The following HS2ST1 variants were observed in gnomAD, a reference collection of about 807,000 sequenced individuals.
The protein encoded by HS2ST1 is heparan sulfate 2-O-sulfotransferase 1.
HS2ST1 carries 18 observed loss-of-function variants against 42.9 expected under a neutral mutation model. That is an observed-to-expected ratio of 0.42 (90% CI 0.29 to 0.62). HS2ST1 has a LOEUF of 0.62. Among genes scored for constraint, HS2ST1 ranks in the 20% least tolerant of loss-of-function variants. The pLI is 0.21. For missense variants in HS2ST1, 334 were observed against 433.8 expected (o/e 0.77, Z 2.04); for synonymous variants, 146 against 152.9 (o/e 0.95, Z 0.33).
At chr1:86,924,724 C>A (rs1428833988) in intron 1 of HS2ST1, among the ~76,000 whole-genome samples, 1 of 152,078 alleles carries the variant, frequency 6.6e-6, no homozygotes, top group Non-Finnish European at 1.5e-5. Context: ...TGCCAAGTCC[C>A]TAGGTTGCAC....
rs571602756 is a variant in HS2ST1 at position 86,922,715 on chromosome 1, A to G, written c.124+7555A>G. ...GGTTGCCATCATTCTTTGTTCAACT[A>G]TATGTAGCGTGTCTTTTATTTTTCC... is the stretch of plus-strand genomic sequence containing the variant. On this transcript the variant is annotated intron_variant, in intron 1 of 6. Coordinates refer to ENST00000370550, the MANE Select transcript of HS2ST1 (RefSeq NM_012262.4). Among the ~76,000 whole-genome samples, 19 of 152,188 alleles carry G rather than the reference A, an allele frequency of 1.2e-4. No individual in the cohort carries two copies. In the South Asian group the frequency reaches 3.3e-3, roughly 27 times the overall value.
chr1:87,032,711 G>T (rs1195208719), intron 1 of HS2ST1, among the ~76,000 whole-genome samples: 2 of 152,044 alleles, frequency 1.3e-5, no homozygotes, highest in East Asian at 3.8e-4. Flanking sequence ...TTGAGTTCTT[G>T]TTCTTAGTAA....
intron 1 of HS2ST1, among the ~76,000 whole-genome samples, chr1:87,007,713 A>C (rs1166772346): frequency 6.6e-6 from 1 of 152,140 alleles, no homozygotes; most frequent in Non-Finnish European, 1.5e-5. Flanking sequence ...CAGTATTTGC[A>C]GTGTGACATA....
chr1:87,003,103 A>G (rs1649339302), intron 1 of HS2ST1, among the ~76,000 whole-genome samples: 1 of 152,246 alleles, frequency 6.6e-6, no homozygotes, highest in Non-Finnish European at 1.5e-5. Context: ...CGTCTGTAAT[A>G]AGTGATGAAT....
chr1:87,097,973 C>T (rs991027479), intron 5 of HS2ST1, 38 bp downstream of exon 5: 1 of 1,612,460 alleles, frequency 6.2e-7, no homozygotes, highest in Non-Finnish European at 8.5e-7. Flanking sequence ...GATTATCATC[C>T]TTATTATCTC....
intron 1 of HS2ST1, among the ~76,000 whole-genome samples, chr1:86,933,077 A>T (rs1660575465): frequency 6.6e-6 from 1 of 152,140 alleles, no homozygotes; most frequent in Admixed American, 6.5e-5. Context: ...CTTTTTTCAC[A>T]TACTAATAAA....
At chr1:86,998,041 A>G (rs1557509711) in intron 1 of HS2ST1, among the ~76,000 whole-genome samples, 1 of 152,204 alleles carries the variant, frequency 6.6e-6, no homozygotes, top group Non-Finnish European at 1.5e-5. Flanking sequence ...TATGATTCTT[A>G]CTAACTTTTC....
At chr1:87,044,939 T>A in intron 1 of HS2ST1, 1 of 1,575,548 alleles carries the variant, frequency 6.3e-7, no homozygotes, top group African/African-American at 1.4e-5. Context: ...TTCAATCTAA[T>A]GCTATGACAT....
At chr1:87,056,092 G>A (rs1261120707) in intron 1 of HS2ST1, among the ~76,000 whole-genome samples, 1 of 152,078 alleles carries the variant, frequency 6.6e-6, no homozygotes, top group African/African-American at 2.4e-5. Context: ...GGACCTTTAA[G>A]AGGCATTTGG....
chr1:86,974,657 C>G (rs926213925), intron 1 of HS2ST1, among the ~76,000 whole-genome samples: 1 of 152,278 alleles, frequency 6.6e-6, no homozygotes, highest in African/African-American at 2.4e-5. Context: ...GGGTTCTGCA[C>G]TAACTCTGAG....
intron 1 of HS2ST1, among the ~76,000 whole-genome samples, chr1:87,021,305 A>G (rs74495623): frequency 0.024 from 3,614 of 152,286 alleles, 67 homozygotes; most frequent in Middle Eastern, 0.048. Flanking sequence ...TTCAGAATCC[A>G]TACAGTATTC....
intron 1 of HS2ST1, among the ~76,000 whole-genome samples, chr1:87,051,892 T>A (rs1476434004): frequency 6.6e-6 from 1 of 152,196 alleles, no homozygotes; most frequent in Non-Finnish European, 1.5e-5. Flanking sequence ...TTTTAAAGAT[T>A]CATGAAAAAT....
chr1:86,926,416 C>A (rs1256342890), intron 1 of HS2ST1, among the ~76,000 whole-genome samples: 1 of 152,126 alleles, frequency 6.6e-6, no homozygotes, highest in Non-Finnish European at 1.5e-5. Context: ...AATGTTGGAT[C>A]CCTGAATTAG....
Position 87,092,418 on chromosome 1 carries a change from A to G in HS2ST1, c.450-113A>G, listed in dbSNP as rs375064924. The G allele has an allele frequency of 5.3e-5, 27 of 514,012 alleles. No individual in the cohort carries two copies. In the South Asian group the frequency reaches 1.5e-3, roughly 29 times the overall value. 31.8% of individuals were successfully genotyped at this position (514,012 alleles called of 1,614,324 possible). ...ATACACAAATTATTTAAATTAATTC[A>G]TGTTCTTTTTTCCTTATAGGACCAG... On this transcript the variant is annotated intron_variant, in intron 3 of 6. Transcript: ENST00000370550.
At chr1:86,960,227 CAA>C (rs145286319) in intron 1 of HS2ST1, among the ~76,000 whole-genome samples, 18 of 131,432 alleles carry the variant, frequency 1.4e-4, no homozygotes, top group Admixed American at 2.3e-4. Flanking sequence ...TCCACGCCAC[CAA>C]AAAAAAAAAA....
intron 1 of HS2ST1, chr1:87,046,764 G>A: frequency 2.2e-6 from 1 of 445,206 alleles, no homozygotes; most frequent in African/African-American, 2.1e-5. Context: ...AGGCTAGAGT[G>A]CAATGGTGCG....
In HS2ST1 at chr1:87,104,870, G is replaced by C; in HGVS notation, c.*174G>C. On this transcript the variant is annotated 3_prime_UTR_variant, in exon 7 of 7. Transcript: ENST00000370550. ...GTAGATACTGGCTGGCATTGTCAGTGTTCTAAGTTTCAGGCATTTTTATTT... is the reference window on the plus strand; with the variant it reads ...GTAGATACTGGCTGGCATTGTCAGTCTTCTAAGTTTCAGGCATTTTTATTT... 1.9e-6 allele frequency: 1 copy of C among 537,506 alleles called. No individual in the cohort carries two copies. Among genetic ancestry groups the C allele is most frequent in the Non-Finnish European group, 3.3e-6 (1 of 305,050 alleles). The allele number at this position is 537,506 out of a possible 1,614,324, so 33.3% of individuals were successfully genotyped here. A position where few individuals can be genotyped will look rare whatever the true frequency, so the allele number is the denominator to read the frequency against.
At chr1:86,949,471 T>A (rs1647436575) in intron 1 of HS2ST1, among the ~76,000 whole-genome samples, 1 of 152,110 alleles carries the variant, frequency 6.6e-6, no homozygotes, top group Non-Finnish European at 1.5e-5. Flanking sequence ...AATAGAGGCT[T>A]AAGCAGGAGA....
intron 1 of HS2ST1, among the ~76,000 whole-genome samples, chr1:87,027,820 C>T (rs1453819751): frequency 2.0e-5 from 3 of 152,158 alleles, no homozygotes; most frequent in Non-Finnish European, 4.4e-5. Flanking sequence ...TCCCTAGTAG[C>T]TGGGACAACA....
Sources: allele counts gnomAD v4.1 joint callset (sites outside exome capture counted in the v4.1 genomes callset), GRCh38; gene constraint gnomAD v4.1.1; transcripts MANE v1.5; gene names NCBI Gene and HGNC (gene_info 2026-07-23, HGNC 2026-07-21).